The following TAFA2 variants were observed in gnomAD, a reference collection of about 807,000 sequenced individuals.
TAFA2 encodes the protein TAFA chemokine like family member 2.
Under a neutral mutation model 18.8 loss-of-function variants are expected in TAFA2, and 7 were observed. The ratio of observed to expected loss-of-function variants is 0.37; its 90% CI spans 0.21 to 0.70. The LOEUF (loss-of-function observed/expected upper bound fraction) is 0.70. Among genes scored for constraint, TAFA2 ranks in the 30% least tolerant of loss-of-function variants. The pLI, the probability that TAFA2 is intolerant of heterozygous loss-of-function variation, is 0.53. For synonymous variants in TAFA2, 60 were observed against 54.2 expected (o/e 1.11, Z -0.47); for missense variants, 122 against 158.1 (o/e 0.77, Z 1.23).
intron 1 of TAFA2, among the ~76,000 whole-genome samples, chr12:62,122,650 A>G (rs1014290920): frequency 9.2e-5 from 14 of 152,174 alleles, no homozygotes; most frequent in African/African-American, 3.1e-4. Flanking sequence ...ATATATACCC[A>G]CCGTACTGCA....
chr12:61,934,841 T>C (rs1030802485), intron 1 of TAFA2, among the ~76,000 whole-genome samples: 2 of 152,238 alleles, frequency 1.3e-5, no homozygotes, highest in Non-Finnish European at 2.9e-5. Context: ...AGTCTAAATA[T>C]ATAAAATTGA....
intron 1 of TAFA2, among the ~76,000 whole-genome samples, chr12:61,885,089 T>C (rs1219068565): frequency 1.3e-5 from 2 of 152,214 alleles, no homozygotes; most frequent in African/African-American, 2.4e-5. Context: ...CATAATTCAA[T>C]ACAGTGAGTA....
intron 4 of TAFA2, among the ~76,000 whole-genome samples, chr12:61,731,871 A>C (rs1232645377): frequency 1.3e-5 from 2 of 152,058 alleles, no homozygotes; most frequent in Non-Finnish European, 2.9e-5. Flanking sequence ...TATGTGTTCT[A>C]GGTTCTTCTA....
chr12:61,885,092 A>T (rs1161140250), intron 1 of TAFA2, among the ~76,000 whole-genome samples: 1 of 152,208 alleles, frequency 6.6e-6, no homozygotes, highest in Non-Finnish European at 1.5e-5. Context: ...AATTCAATAC[A>T]GTGAGTAAGA....
intron 1 of TAFA2, among the ~76,000 whole-genome samples, chr12:62,031,933 T>C (rs761476345): frequency 3.3e-5 from 5 of 152,238 alleles, no homozygotes; most frequent in Non-Finnish European, 7.3e-5. Context: ...AAAATTTAGC[T>C]AGTATATTAT....
intron 1 of TAFA2, among the ~76,000 whole-genome samples, chr12:62,145,263 T>G (rs971116311): frequency 6.6e-6 from 1 of 152,176 alleles, no homozygotes; most frequent in East Asian, 1.9e-4. Flanking sequence ...AGGTGAGCGG[T>G]AGTCCAGAGA....
At chr12:62,251,230 C>A (rs975947620) in intron 1 of TAFA2, among the ~76,000 whole-genome samples, 1 of 151,918 alleles carries the variant, frequency 6.6e-6, no homozygotes, top group Admixed American at 6.6e-5. Context: ...TTGTCACCTG[C>A]AATACTATGG....
intron 1 of TAFA2, among the ~76,000 whole-genome samples, chr12:62,076,426 T>C (rs1205272937): frequency 6.6e-6 from 1 of 152,200 alleles, no homozygotes; most frequent in Admixed American, 6.6e-5. Flanking sequence ...AAAATCACTT[T>C]TCTGCCCTAC....
At chr12:61,901,256 TC>T (rs1876086426) in intron 1 of TAFA2, among the ~76,000 whole-genome samples, 1 of 33,138 alleles carries the variant, frequency 3.0e-5, no homozygotes, top group Non-Finnish European at 4.9e-5. Context: ...CTCTTCAATT[TC>T]ACTTTTTTTT....
At chr12:61,733,998 A>C (rs1469312213) in intron 4 of TAFA2, among the ~76,000 whole-genome samples, 1 of 147,668 alleles carries the variant, frequency 6.8e-6, no homozygotes, top group Non-Finnish European at 1.5e-5. Flanking sequence ...CATCCCTTGT[A>C]AGTTGGATTC....
chr12:61,877,096 C>A (rs1338308287), intron 1 of TAFA2, among the ~76,000 whole-genome samples: 1 of 152,206 alleles, frequency 6.6e-6, no homozygotes, highest in African/African-American at 2.4e-5. Context: ...ACAGCTTAAG[C>A]AACTGAGAAC....
At chr12:61,859,824 C>T (rs1276153198) in intron 2 of TAFA2, among the ~76,000 whole-genome samples, 1 of 152,192 alleles carries the variant, frequency 6.6e-6, no homozygotes, top group Admixed American at 6.5e-5. Flanking sequence ...TATTCAGCGA[C>T]TCTGAGGGGC....
At chr12:61,940,850 C>T (rs1312118793) in intron 1 of TAFA2, among the ~76,000 whole-genome samples, 1 of 152,020 alleles carries the variant, frequency 6.6e-6, no homozygotes, top group Non-Finnish European at 1.5e-5. Flanking sequence ...TGGTTATGAG[C>T]TTTTCATTTG....
intron 1 of TAFA2, among the ~76,000 whole-genome samples, chr12:61,959,857 A>T (rs547775430): frequency 6.6e-6 from 1 of 152,102 alleles, no homozygotes; most frequent in South Asian, 2.1e-4. Context: ...GTCCTACTGC[A>T]TCACTATTTT....
intron 4 of TAFA2, among the ~76,000 whole-genome samples, chr12:61,733,390 G>C (rs1448267775): frequency 3.3e-5 from 5 of 152,024 alleles, no homozygotes; most frequent in African/African-American, 1.2e-4. Context: ...TTCTTCTAGG[G>C]TTTTTATGGT....
At chr12:62,030,377 T>C (rs998238012) in intron 1 of TAFA2, among the ~76,000 whole-genome samples, 6 of 152,096 alleles carry the variant, frequency 3.9e-5, no homozygotes, top group Non-Finnish European at 8.8e-5. Context: ...AATGTTAATA[T>C]GGGAGAAATA....
intron 1 of TAFA2, among the ~76,000 whole-genome samples, chr12:62,023,973 T>C (rs879922954): frequency 6.6e-6 from 1 of 152,234 alleles, no homozygotes; most frequent in Non-Finnish European, 1.5e-5. Context: ...AAAGTTTAGA[T>C]AACTTTGAAA....
chr12:61,933,868 T>C (rs957469914), intron 1 of TAFA2, among the ~76,000 whole-genome samples: 1 of 152,202 alleles, frequency 6.6e-6, no homozygotes, highest in Non-Finnish European at 1.5e-5. Context: ...CTCCACAACA[T>C]AGATGGTATT....
intron 1 of TAFA2, among the ~76,000 whole-genome samples, chr12:62,224,810 T>C (rs1323704462): frequency 3.9e-5 from 6 of 152,214 alleles, no homozygotes; most frequent in Non-Finnish European, 8.8e-5. Context: ...ATAATGAGTG[T>C]ACTTAATGCC....
Sources: allele counts gnomAD v4.1 joint callset (sites outside exome capture counted in the v4.1 genomes callset), GRCh38; gene constraint gnomAD v4.1.1; transcripts MANE v1.5; gene names NCBI Gene and HGNC (gene_info 2026-07-23, HGNC 2026-07-21).